Variants in AFG2A observed in about 807,000 individuals in gnomAD.
AFG2A encodes ATPase family gene 2 protein homolog A.
chr4:123,182,594 A>G, the AFG2A span, among the ~76,000 whole-genome samples: 1 of 152,194 alleles, frequency 6.6e-6, no homozygotes, highest in Non-Finnish European at 1.5e-5. Flanking sequence ...CTTAAAGTAT[A>G]AAACTGTTGT....
At chr4:123,000,774 T>A in the AFG2A span, among the ~76,000 whole-genome samples, 1 of 78,332 alleles carries the variant, frequency 1.3e-5, no homozygotes, top group Non-Finnish European at 3.3e-5. Context: ...TCTTTTTTGG[T>A]TGTGTCTCTG....
At chr4:122,968,578 G>A in the AFG2A span, among the ~76,000 whole-genome samples, 1 of 152,184 alleles carries the variant, frequency 6.6e-6, no homozygotes, top group African/African-American at 2.4e-5. Context: ...CTGCATAGCA[G>A]GAGTTCATTT....
At chr4:123,285,808 T>A in the AFG2A span, among the ~76,000 whole-genome samples, 4 of 152,136 alleles carry the variant, frequency 2.6e-5, no homozygotes, top group Admixed American at 1.3e-4. Flanking sequence ...GGCTTTCAAA[T>A]CAGTTTCTTC....
At chr4:123,028,786 A>G in the AFG2A span, among the ~76,000 whole-genome samples, 2 of 152,190 alleles carry the variant, frequency 1.3e-5, no homozygotes, top group African/African-American at 4.8e-5. Context: ...AATGAACAAG[A>G]CACTTGTTAT....
At chr4:123,300,049 A>G in the AFG2A span, among the ~76,000 whole-genome samples, 5 of 152,316 alleles carry the variant, frequency 3.3e-5, no homozygotes, top group African/African-American at 1.2e-4. Context: ...TAACAAGCAT[A>G]TAGTTTTAAA....
the AFG2A span, among the ~76,000 whole-genome samples, chr4:123,268,126 G>A: frequency 6.4e-3 from 972 of 151,954 alleles, 13 homozygotes; most frequent in African/African-American, 0.022. Flanking sequence ...GAAAACTAAG[G>A]ACCACTAATA....
At chr4:122,933,480 G>A in the AFG2A span, 4 of 1,611,800 alleles carry the variant, frequency 2.5e-6, no homozygotes, top group South Asian at 1.1e-5. Context: ...CTGACTGGTT[G>A]TATCCTGAGA....
At chr4:123,159,448 T>C in the AFG2A span, among the ~76,000 whole-genome samples, 1 of 152,184 alleles carries the variant, frequency 6.6e-6, no homozygotes, top group Non-Finnish European at 1.5e-5. Context: ...CATCATTACT[T>C]TGTAGACTAC....
the AFG2A span, among the ~76,000 whole-genome samples, chr4:123,201,042 T>C: frequency 6.6e-6 from 1 of 152,202 alleles, no homozygotes; most frequent in Admixed American, 6.5e-5. Flanking sequence ...AACAAAAACA[T>C]TAAAGTTTTG....
chr4:123,112,775 A>G, the AFG2A span, among the ~76,000 whole-genome samples: 3 of 151,924 alleles, frequency 2.0e-5, no homozygotes, highest in Non-Finnish European at 2.9e-5. Flanking sequence ...CTCTGTTTAG[A>G]TTTTTCCTAT....
At chr4:123,268,346 A>C in the AFG2A span, among the ~76,000 whole-genome samples, 78,909 of 152,024 alleles carry the variant, frequency 0.52, 24,853 homozygotes, top group Non-Finnish European at 0.67. Context: ...GATCAAGTTG[A>C]AAGTCTCCCA....
chr4:123,235,497 A>G, the AFG2A span, among the ~76,000 whole-genome samples: 2 of 152,182 alleles, frequency 1.3e-5, no homozygotes, highest in Non-Finnish European at 2.9e-5. Context: ...ATGGAGATGA[A>G]CATGTATTGA....
At chr4:123,071,597 G>T in the AFG2A span, among the ~76,000 whole-genome samples, 1 of 152,076 alleles carries the variant, frequency 6.6e-6, no homozygotes, top group Non-Finnish European at 1.5e-5. Flanking sequence ...GGGAAATCAT[G>T]GCAAGATGGA....
the AFG2A span, among the ~76,000 whole-genome samples, chr4:123,007,054 G>A: frequency 1.3e-5 from 2 of 151,526 alleles, no homozygotes; most frequent in African/African-American, 4.8e-5. Flanking sequence ...ATTTTACCTT[G>A]TTGGGAGGTG....
chr4:123,155,916 T>C, the AFG2A span, among the ~76,000 whole-genome samples: 1 of 152,222 alleles, frequency 6.6e-6, no homozygotes, highest in Non-Finnish European at 1.5e-5. Flanking sequence ...CCTGTATTAG[T>C]CCGTTCTTGC....
the AFG2A span, among the ~76,000 whole-genome samples, chr4:123,287,969 C>T: frequency 1.3e-5 from 2 of 152,082 alleles, no homozygotes; most frequent in African/African-American, 4.8e-5. Flanking sequence ...GTGTTCTTTG[C>T]ACATTCAAGA....
the AFG2A span, among the ~76,000 whole-genome samples, chr4:123,284,035 T>C: frequency 6.6e-6 from 1 of 152,202 alleles, no homozygotes; most frequent in Non-Finnish European, 1.5e-5. Context: ...TTGGCAATTA[T>C]GATCACTTAC....
the AFG2A span, among the ~76,000 whole-genome samples, chr4:123,185,137 C>G: frequency 6.6e-6 from 1 of 151,908 alleles, no homozygotes; most frequent in South Asian, 2.1e-4. Context: ...GTTGATGGCT[C>G]TTTTGAAAGT....
At chr4:123,243,131 G>A in the AFG2A span, among the ~76,000 whole-genome samples, 175 of 152,256 alleles carry the variant, frequency 1.1e-3, 1 homozygote, top group Admixed American at 3.1e-3. Flanking sequence ...AAGTAGGAAC[G>A]CCTTTACACT....
Sources: allele counts gnomAD v4.1 joint callset (sites outside exome capture counted in the v4.1 genomes callset), GRCh38; gene constraint gnomAD v4.1.1; transcripts MANE v1.5; gene names NCBI Gene and HGNC (gene_info 2026-07-23, HGNC 2026-07-21).